Variants in TCN2 observed in about 807,000 individuals in gnomAD.
The protein encoded by TCN2 is transcobalamin 2, also known as transcobalamin-2.
Under a neutral mutation model 48.6 loss-of-function variants are expected in TCN2, and 34 were observed. The observed-to-expected ratio is 0.70, with a 90% CI of 0.53 to 0.93. The LOEUF (loss-of-function observed/expected upper bound fraction) is 0.93. Among genes scored for constraint, TCN2 ranks in the 40% least tolerant of loss-of-function variants. The probability of loss-of-function intolerance (pLI) is 0.00; values close to 1 mark genes in which losing one functional copy is unlikely to be tolerated. For synonymous variants in TCN2, 283 were observed against 212.5 expected, an observed-to-expected ratio of 1.33 and a Z score of -2.89; for missense variants, 652 against 526.1, an observed-to-expected ratio of 1.24 and a Z score of -2.34.
Position 30,626,735 on chromosome 22 carries a change from C to CTT in TCN2, c.*216_*217dup. 1.6e-6 allele frequency: 1 copy of CTT among 630,716 alleles called. No homozygotes were observed. Among genetic ancestry groups the CTT allele is most frequent in the Middle Eastern group, 4.3e-4 (1 of 2,334 alleles). The allele number at this position is 630,716 out of a possible 1,614,324, so 39.1% of individuals were successfully genotyped here. On this transcript the variant is annotated 3_prime_UTR_variant, in exon 9 of 9. Coordinates refer to ENST00000215838, the MANE Select transcript of TCN2 (RefSeq NM_000355.4). The stretch of plus-strand genomic sequence containing the variant: ...GAGCCAAGCATCTTCCCTGGGAAGT[C>CTT]TTTCTGGCCAAGTCTGGCCAGCCTG...
chr22:30,617,266 G>C, intron 6 of TCN2, 64 bp from the exon 7 acceptor site: 1 of 1,609,948 alleles, frequency 6.2e-7, no homozygotes, highest in South Asian at 1.1e-5. Context: ...GGGAAGACAA[G>C]AAGACAAATA....
chr22:30,613,011 A>G lies in TCN2; in HGVS notation c.396A>G (p.Lys132=), dbSNP rs2087563954. ...GGGACAGGCTGGTCTCACAGCTCAA[A>G]TGGTTCCTGGAGGATGAGAAGAGAG... ...HKGDRLVSQL[K]WFLEDEKRAI... is the part of the protein sequence containing the mutation. Residue 132 remains lysine (K), a synonymous_variant, in exon 3 of 9, where the codon AAA becomes AAG. Coordinates refer to ENST00000215838, the MANE Select transcript of TCN2 (RefSeq NM_000355.4). The G allele has an allele frequency of 1.2e-6, 2 of 1,613,958 alleles. No homozygotes were observed. Among genetic ancestry groups the G allele is most frequent in the Non-Finnish European group, 1.7e-6 (2 of 1,179,956 alleles).
intron 3 of TCN2, among the ~76,000 whole-genome samples, chr22:30,613,577 C>G (rs2087571183): frequency 6.6e-6 from 1 of 152,150 alleles, no homozygotes; most frequent in African/African-American, 2.4e-5. Context: ...CTGCGTTAGG[C>G]CCACTGACAA....
rs1485846164 is a variant in TCN2 at position 30,622,964 on chromosome 22, G to A, written c.1107-4G>A. On this transcript the variant is annotated splice_region_variant and splice_polypyrimidine_tract_variant and intron_variant, in intron 7 of 8. Transcript: ENST00000215838. ...CTCTCCCCATTTGCCTTTCCCTTCT[G>A]TAGATATGAAACACAGGCCTCCTTG... 5.0e-6 allele frequency: 8 copies of A among 1,613,942 alleles called. No homozygotes were observed. Among genetic ancestry groups the A allele is most frequent in the Non-Finnish European group, 6.8e-6 (8 of 1,179,998 alleles).
In TCN2 at chr22:30,612,382, C is replaced by G. The variant is rs150418276; in HGVS notation, c.258-491C>G. On this transcript the variant is annotated intron_variant, in intron 2 of 8. Transcript: ENST00000215838. Reference sequence around the variant, plus strand: ...TGGCCAACATAGTGAAACCCTGTCTCTACTGAAAATACAAAAAATTAGCCA... The same window carrying G: ...TGGCCAACATAGTGAAACCCTGTCTGTACTGAAAATACAAAAAATTAGCCA... Among the ~76,000 whole-genome samples the G allele has an allele frequency of 2.0e-3, 306 of 152,212 alleles. 1 individual carries two copies. The highest frequency in any genetic ancestry group is 0.01 in the Middle Eastern group (3 of 294).
Position 30,627,234 on chromosome 22 carries a change from G to C in TCN2, c.*713G>C, listed in dbSNP as rs2087823481. ...CTACTGACTGAGCACCCACTACTAT[G>C]ACTGAGCACTCACTCGCTAGATACT... On this transcript the variant is annotated 3_prime_UTR_variant, in exon 9 of 9. Transcript: ENST00000215838. The C allele has an allele frequency of 6.3e-6, 1 of 158,220 alleles. No individual in the cohort carries two copies. Among genetic ancestry groups the C allele is most frequent in the South Asian group, 1.9e-4 (1 of 5,344 alleles). The allele number at this position is 158,220 out of a possible 1,614,324, so 9.8% of individuals were successfully genotyped here. A position where few individuals can be genotyped will look rare whatever the true frequency, so the allele number is the denominator to read the frequency against.
In TCN2 at chr22:30,623,782, ATG is replaced by A. The variant is rs1190056371; in HGVS notation, c.1222+701_1222+702del. 9.8e-3 allele frequency among the ~76,000 whole-genome samples: 97 copies of A among 9,912 alleles called. 7 individuals carry two copies. The highest frequency in any genetic ancestry group is 0.025 in the East Asian group (13 of 518). The allele number at this position is 9,912 out of a possible 152,430, so 6.5% of individuals were successfully genotyped here. A position where few individuals can be genotyped will look rare whatever the true frequency, so the allele number is the denominator to read the frequency against. The stretch of plus-strand genomic sequence containing the variant: ...TGTATATATATATACACACATATAT[ATG>A]TATACATATATACACACATACACAT... On this transcript the variant is annotated intron_variant, in intron 8 of 8. Coordinates refer to ENST00000215838, the MANE Select transcript of TCN2 (RefSeq NM_000355.4).
chr22:30,618,429 G>A (rs576756754), intron 7 of TCN2, among the ~76,000 whole-genome samples: 10 of 152,004 alleles, frequency 6.6e-5, no homozygotes, highest in Non-Finnish European at 1.3e-4. Context: ...TCGGCTCACT[G>A]CAACCTCCGT....
intron 1 of TCN2, among the ~76,000 whole-genome samples, chr22:30,609,152 T>C (rs949651948): frequency 2.2e-4 from 33 of 151,570 alleles, no homozygotes; most frequent in African/African-American, 7.8e-4. Flanking sequence ...CTTTTCTCTT[T>C]CTTCTTCTTT....
chr22:30,614,894 G>A lies in TCN2; in HGVS notation c.580+393G>A, dbSNP rs143712868. Reference sequence around the variant, plus strand: ...ACTGCCCTCCAGCCTGGGCAACAGAGTGAGTGAGACTCTGTCTCAAAAAAT... The same window carrying A: ...ACTGCCCTCCAGCCTGGGCAACAGAATGAGTGAGACTCTGTCTCAAAAAAT... On this transcript the variant is annotated intron_variant, in intron 4 of 8. Transcript: ENST00000215838. Among the ~76,000 whole-genome samples the A allele has an allele frequency of 1.8e-3, 271 of 152,180 alleles. 1 individual carries two copies. Among genetic ancestry groups the A allele is most frequent in the South Asian group, 4.4e-3 (21 of 4,824 alleles).
chr22:30,613,158 A>G (rs1436477846), intron 3 of TCN2, 116 bp downstream of exon 3: 37 of 1,424,650 alleles, frequency 2.6e-5, no homozygotes, highest in Non-Finnish European at 3.5e-5. Context: ...CCCACCATCC[A>G]TTCTGCCCAT....
At chr22:30,614,226 G>A in intron 3 of TCN2, 123 bp from the exon 4 acceptor site, 1 of 1,302,496 alleles carries the variant, frequency 7.7e-7, no homozygotes, top group Non-Finnish European at 1.1e-6. Context: ...GGCAATGAAG[G>A]AATGAAGGAT....
At chr22:30,612,490 C>T (rs1314765381) in intron 2 of TCN2, among the ~76,000 whole-genome samples, 2 of 152,068 alleles carry the variant, frequency 1.3e-5, no homozygotes, top group East Asian at 1.9e-4. Flanking sequence ...GCGGAGGTTG[C>T]AGTGAGCTGA....
At chr22:30,620,790 G>T (rs923240263) in intron 7 of TCN2, among the ~76,000 whole-genome samples, 1 of 152,182 alleles carries the variant, frequency 6.6e-6, no homozygotes, top group Non-Finnish European at 1.5e-5. Context: ...CCTCAACTGG[G>T]TTCAGGCATG....
rs1367477665 is a variant in TCN2, at chr22:30,613,341, G to A, written c.427+299G>A. 6.6e-5 allele frequency among the ~76,000 whole-genome samples: 10 copies of A among 152,148 alleles called. No individual in the cohort carries two copies. The South Asian group carries it at 8.3e-4, about 13-fold the overall frequency. On this transcript the variant is annotated intron_variant, in intron 3 of 8. Transcript: ENST00000215838. The stretch of plus-strand genomic sequence containing the variant: ...GCTGCCCAGGCTGGAGTACAATGGC[G>A]CAATCTCAGCTCACCGCAATCTCTG...
At chr22:30,619,987 T>G (rs2087673610) in intron 7 of TCN2, among the ~76,000 whole-genome samples, 2 of 152,058 alleles carry the variant, frequency 1.3e-5, no homozygotes, top group South Asian at 4.1e-4. Context: ...GACTGCCATC[T>G]CTTCAAAAAA....
At chr22:30,617,634 C>A in intron 7 of TCN2, 139 bp downstream of exon 7, 1 of 1,134,780 alleles carries the variant, frequency 8.8e-7, no homozygotes, top group Non-Finnish European at 1.3e-6. Context: ...CTGCTCAGCT[C>A]CTTTCTTGCC....
At chr22:30,623,145 TTCA>T in intron 8 of TCN2, 62 bp downstream of exon 8, 1 of 1,554,762 alleles carries the variant, frequency 6.4e-7, no homozygotes, top group African/African-American at 1.4e-5. Flanking sequence ...GCCAAGAGGC[TTCA>T]TCAACTCACC....
rs750640912 is a variant in TCN2, at chr22:30,617,430, C to T, written c.1041C>T (p.Ile347=). ...TCTTGCCGCCGTACAGACAGTCCAT[C>T]TCTGTTCTGGCCGGGTCCACCGTGG... The part of the protein sequence containing the change: ...LSLLPPYRQS[I]SVLAGSTVED... The change falls in exon 7 of 9, where the codon ATC becomes ATT. Residue 347 remains isoleucine (I), a synonymous_variant. Transcript: ENST00000215838. The T allele has an allele frequency of 6.2e-7, 1 of 1,614,004 alleles. No homozygotes were observed. Among genetic ancestry groups the T allele is most frequent in the African/African-American group, 1.3e-5 (1 of 74,880 alleles).
Sources: allele counts gnomAD v4.1 joint callset (sites outside exome capture counted in the v4.1 genomes callset), GRCh38; gene constraint gnomAD v4.1.1; transcripts MANE v1.5; gene names NCBI Gene and HGNC (gene_info 2026-07-23, HGNC 2026-07-21).